GATAD1: variants seen among roughly 807,000 people sequenced by gnomAD.
GATAD1 encodes the protein GATA zinc finger domain containing 1.
In GATAD1, 12 loss-of-function variants were observed where a neutral mutation model predicts 26.5. That is an observed-to-expected ratio of 0.45 (90% CI 0.29 to 0.73). GATAD1 has a LOEUF of 0.73. GATAD1 is among the 30% of genes least tolerant of loss of function. The pLI is 0.10. For synonymous variants in GATAD1, 129 were observed against 133.1 expected, an observed-to-expected ratio of 0.97 and a Z score of 0.21; for missense variants, 266 against 342.1, an observed-to-expected ratio of 0.78 and a Z score of 1.75.
chr7:92,450,175 G>A (rs1291389150), intron 2 of GATAD1: 2 of 153,490 alleles, frequency 1.3e-5, no homozygotes, highest in Admixed American at 1.3e-4. Flanking sequence ...TGAAGCTTTA[G>A]TAGAGATCTC....
Position 92,447,986 on chromosome 7 carries a change from C to G in GATAD1, c.249+8C>G. ...GGCGGGGGCGGCAAGCAGGTGAGCT[C>G]CTCCGGCCCCTCCCGCCGGCGGAGG... On this transcript the variant is annotated splice_region_variant and intron_variant, in intron 1 of 4. Coordinates refer to ENST00000287957, the MANE Select transcript of GATAD1 (RefSeq NM_021167.5). The G allele has an allele frequency of 8.2e-7, 1 of 1,214,406 alleles. No homozygotes were observed. Among genetic ancestry groups the G allele is most frequent in the Non-Finnish European group, 1.0e-6 (1 of 977,056 alleles). 75.2% of individuals were successfully genotyped at this position (1,214,406 alleles called of 1,614,324 possible).
At chr7:92,470,694 G>A in the GATAD1 span, 1 of 238,194 alleles carries the variant, frequency 4.2e-6, no homozygotes, top group Non-Finnish European at 8.7e-6. Flanking sequence ...CTCAGGGATA[G>A]GTTCCTTGTA....
At chr7:92,449,668 ATTTTC>A (rs1051032345) in intron 2 of GATAD1, 30 of 904,150 alleles carry the variant, frequency 3.3e-5, no homozygotes, top group Middle Eastern at 5.7e-4. Flanking sequence ...ATGGCAGACT[ATTTTC>A]TTTTTTTTTT....
chr7:92,480,987 C>T, the GATAD1 span, among the ~76,000 whole-genome samples: 2 of 152,226 alleles, frequency 1.3e-5, no homozygotes, highest in African/African-American at 4.8e-5. Context: ...TAAATATTGA[C>T]GTGTAGTCCC....
the GATAD1 span, among the ~76,000 whole-genome samples, chr7:92,466,385 T>C: frequency 2.0e-5 from 3 of 152,074 alleles, no homozygotes; most frequent in African/African-American, 7.2e-5. Context: ...GTTCTCAAAC[T>C]CCTGGCCTCA....
At chr7:92,469,099 C>T in the GATAD1 span, 1 of 702,348 alleles carries the variant, frequency 1.4e-6, no homozygotes, top group Non-Finnish European at 2.6e-6. Flanking sequence ...CTCCTCTGCT[C>T]TACGTTGTAT....
At chr7:92,489,195 A>AAATATTTTG in the GATAD1 span, 2 of 1,127,182 alleles carry the variant, frequency 1.8e-6, no homozygotes, top group Non-Finnish European at 2.6e-6. Context: ...TAAATATTCA[A>AAATATTTTG]AATATTTTTA....
At chr7:92,480,100 A>G in the GATAD1 span, among the ~76,000 whole-genome samples, 16 of 152,302 alleles carry the variant, frequency 1.1e-4, no homozygotes, top group Admixed American at 1.0e-3. Flanking sequence ...GATTGAGGAC[A>G]GTAAGGGGTA....
chr7:92,487,727 C>T, the GATAD1 span, among the ~76,000 whole-genome samples: 7 of 151,770 alleles, frequency 4.6e-5, no homozygotes, highest in South Asian at 4.2e-4. Context: ...CAATAGAAAA[C>T]GGAGCAAAGG....
At chr7:92,471,767 A>G in the GATAD1 span, 1 of 152,170 alleles carries the variant, frequency 6.6e-6, no homozygotes, top group Admixed American at 6.5e-5. Context: ...ATAATTTCCT[A>G]ATGGCTTCCT....
chr7:92,485,697 A>AGG, the GATAD1 span, among the ~76,000 whole-genome samples: 1 of 152,380 alleles, frequency 6.6e-6, no homozygotes, highest in Admixed American at 6.5e-5. Flanking sequence ...TGCTACATTG[A>AGG]GGGAGTAGCC....
In GATAD1 at chr7:92,454,640, C is replaced by G. The variant is rs1585171147; in HGVS notation, c.574C>G (p.Leu192Val). ...SAALTWLIPTLSSPRDQFDPA... is the reference protein window; with the variant it reads ...SAALTWLIPTVSSPRDQFDPA... The stretch of plus-strand genomic sequence containing the variant: ...AGCACTGACGTGGCTCATTCCTACC[C>G]TCTCTAGCCCCAGAGACCAATTTGA... Residue 192 changes from leucine (L) to valine (V), a missense_variant, in exon 4 of 5, where the codon CTC (leucine) becomes GTC (valine). Physicochemically the swap from Leu to Val is conservative, Grantham distance 32 (BLOSUM62 1). Transcript: ENST00000287957. 2 of 1,609,898 alleles carry G rather than the reference C, an allele frequency of 1.2e-6. No homozygotes were observed. The highest frequency in any genetic ancestry group is 1.7e-6 in the Non-Finnish European group (2 of 1,178,524).
chr7:92,453,791 T>C (rs1341470588), intron 3 of GATAD1, among the ~76,000 whole-genome samples: 2 of 152,210 alleles, frequency 1.3e-5, no homozygotes, highest in African/African-American at 4.8e-5. Flanking sequence ...TGAGCTGATG[T>C]AGGAGCTTTG....
chr7:92,487,384 AT>A, the GATAD1 span: 20 of 789,404 alleles, frequency 2.5e-5, no homozygotes, highest in South Asian at 4.6e-5. Context: ...CATAGACACC[AT>A]TTTTTTCCTG....
In GATAD1 at chr7:92,447,734, C is replaced by T. The variant is rs986259274; in HGVS notation, c.5C>T (p.Pro2Leu). 5 of 1,480,736 alleles carry T rather than the reference C, an allele frequency of 3.4e-6. No individual in the cohort carries two copies. Among genetic ancestry groups the T allele is most frequent in the East Asian group, 3.0e-5 (1 of 33,262 alleles). The allele number at this position is 1,480,736 out of a possible 1,614,324, so 91.7% of individuals were successfully genotyped here. Residue 2 changes from proline to leucine, a missense_variant, in exon 1 of 5, where the codon CCG becomes CTG. By Grantham distance (98) the Pro-to-Leu change is moderately conservative. Transcript: ENST00000287957. M[P>L]LGLKPTCSVC... is the part of the protein sequence containing the mutation. ...GGGCCGCCCGAGCCGGCCACCATGC[C>T]GCTGGGCCTGAAGCCCACCTGCAGC...
Position 92,456,432 on chromosome 7 carries a change from C to T in GATAD1, c.680C>T (p.Ser227Phe). ...TTGGAATTTGTTTGTCATGCACCTT[C>T]TGAGTATTTCAAGTCACGGTCATCA... is the stretch of plus-strand genomic sequence containing the variant. ...EYLEFVCHAP[S>F]EYFKSRSSPF... Residue 227 changes from serine to phenylalanine, a missense_variant, in exon 5 of 5, where the codon TCT (serine) becomes TTT (phenylalanine). Transcript: ENST00000287957. The T allele has an allele frequency of 1.9e-6, 3 of 1,613,054 alleles. No individual in the cohort carries two copies. Among genetic ancestry groups the T allele is most frequent in the Non-Finnish European group, 1.7e-6 (2 of 1,178,994 alleles).
the GATAD1 span, chr7:92,470,275 T>A: frequency 5.1e-6 from 4 of 778,380 alleles, no homozygotes; most frequent in Non-Finnish European, 9.6e-6. Context: ...CCATAGAAAC[T>A]CTTGGTAAGG....
the GATAD1 span, among the ~76,000 whole-genome samples, chr7:92,481,302 C>T: frequency 6.6e-5 from 10 of 151,958 alleles, no homozygotes; most frequent in Non-Finnish European, 8.8e-5. Flanking sequence ...AAGTCTGGGC[C>T]AGGAAGAATG....
the GATAD1 span, among the ~76,000 whole-genome samples, chr7:92,479,705 C>A: frequency 6.6e-6 from 1 of 151,888 alleles, no homozygotes; most frequent in African/African-American, 2.4e-5. Flanking sequence ...AGGGCTGCTT[C>A]GAGAGGGATT....
Sources: gnomAD v4.1 joint callset for allele counts (sites outside exome capture counted in the v4.1 genomes callset) on GRCh38, gnomAD v4.1.1 for gene constraint, MANE v1.5 for transcripts, NCBI Gene and HGNC (gene_info 2026-07-23, HGNC 2026-07-21) for gene names.